The following MUC5AC variants were observed in gnomAD, a reference collection of about 807,000 sequenced individuals.
MUC5AC encodes the protein mucin 5AC, oligomeric mucus/gel-forming, also known as mucin-5AC.
Under a neutral mutation model 169.7 loss-of-function variants are expected in MUC5AC, and 158 were observed. The ratio of observed to expected loss-of-function variants is 0.93; its 90% CI spans 0.82 to 1.06. The LOEUF (loss-of-function observed/expected upper bound fraction) is 1.06. MUC5AC is among the 50% of genes least tolerant of loss of function. The pLI is 0.00. For missense variants in MUC5AC, 4,359 were observed against 3,089.9 expected (o/e 1.41, Z -9.74); for synonymous variants, 1,975 against 1,237.0 (o/e 1.60, Z -12.52).
chr11:1,190,969 C>T lies in MUC5AC; in HGVS notation c.12824C>T (p.Ser4275Phe). 1 of 742,972 alleles carries T rather than the reference C, an allele frequency of 1.3e-6. No individual in the cohort carries two copies. 46.0% of individuals were successfully genotyped at this position (742,972 alleles called of 1,614,324 possible). A position where few individuals can be genotyped will look rare whatever the true frequency, so the allele number is the denominator to read the frequency against. The stretch of plus-strand genomic sequence containing the variant: ...TCTGCTGCTACAACCAGCACAACCT[C>T]TGCTCCTACAACCAGAACAACATCT... ...TTSAATTSTT[S>F]APTTRTTSAP... The change falls in exon 31 of 49, where the codon TCT becomes TTT. Residue 4275 changes from serine to phenylalanine, a missense_variant. Transcript: ENST00000621226.
Position 1,187,415 on chromosome 11 carries a change from C to T in MUC5AC, c.9270C>T (p.Thr3090=), listed in dbSNP as rs1238127275. The T allele has an allele frequency of 5.4e-6, 4 of 735,268 alleles. No homozygotes were observed. The highest frequency in any genetic ancestry group is 1.7e-5 in the African/African-American group (1 of 58,102). 45.5% of individuals were successfully genotyped at this position (735,268 alleles called of 1,614,324 possible). A position where few individuals can be genotyped will look rare whatever the true frequency, so the allele number is the denominator to read the frequency against. The change falls in exon 31 of 49, where the codon ACC becomes ACT. Residue 3090 remains threonine, a synonymous_variant. Coordinates refer to ENST00000621226, the MANE Select transcript of MUC5AC (RefSeq NM_001304359.2). ...CCAGCACAACCTCTGCCGCTACAAC[C>T]AGCACAATCTCGGCCCCAACAACCA... is the stretch of plus-strand genomic sequence containing the variant. The part of the protein sequence containing the change: ...PTTSTTSAAT[T]STISAPTTST...
chr11:1,182,400 C>T lies in MUC5AC; in HGVS notation c.4255C>T (p.Arg1419Trp), dbSNP rs1352819531. ...GGAGAACCTCCGCGCCCATGGGTAC[C>T]GGGTGTGCGAATCACCCAGGTCGGT... ...TLENLRAHGY[R>W]VCESPRSVEC... Residue 1419 changes from arginine to tryptophan, a missense_variant, in exon 31 of 49, where the codon CGG becomes TGG. Coordinates refer to ENST00000621226, the MANE Select transcript of MUC5AC (RefSeq NM_001304359.2). 4 of 398,494 alleles carry T rather than the reference C, an allele frequency of 1.0e-5. No individual in the cohort carries two copies. The highest frequency in any genetic ancestry group is 2.1e-5 in the African/African-American group (1 of 48,634). The allele number at this position is 398,494 out of a possible 1,614,324, so 24.7% of individuals were successfully genotyped here.
At position 1,165,695 on chromosome 11, in the gene MUC5AC, C is replaced by T; in HGVS notation, c.1321C>T (p.His441Tyr). 6.2e-7 allele frequency: 1 copy of T among 1,612,492 alleles called. No homozygotes were observed. The highest frequency in any genetic ancestry group is 8.5e-7 in the Non-Finnish European group (1 of 1,179,758). ...TACCTGCTCTGTGCTTGGAGGTGCCCACTTCTCAACGTTTGACGGGAAGCA... is the reference window on the plus strand; with the variant it reads ...TACCTGCTCTGTGCTTGGAGGTGCCTACTTCTCAACGTTTGACGGGAAGCA... ...PGTCSVLGGA[H>Y]FSTFDGKQYT... Residue 441 changes from histidine (H) to tyrosine (Y), a missense_variant, in exon 11 of 49, where the codon CAC becomes TAC. Coordinates refer to ENST00000621226, the MANE Select transcript of MUC5AC (RefSeq NM_001304359.2).
At chr11:1,199,245 G>T (rs752781834) in intron 45 of MUC5AC, 60 bp downstream of exon 45, 1 of 715,828 alleles carries the variant, frequency 1.4e-6, no homozygotes, top group African/African-American at 1.7e-5. Flanking sequence ...GGCATGTGGG[G>T]ACCTGTCGTT....
chr11:1,187,636 C>A lies in MUC5AC; in HGVS notation c.9491C>A (p.Thr3164Lys), dbSNP rs1860987039. 1.3e-6 allele frequency: 1 copy of A among 764,514 alleles called. No individual in the cohort carries two copies. The highest frequency in any genetic ancestry group is 1.7e-5 in the Admixed American group (1 of 58,846). 47.4% of individuals were successfully genotyped at this position (764,514 alleles called of 1,614,324 possible). A position where few individuals can be genotyped will look rare whatever the true frequency, so the allele number is the denominator to read the frequency against. ...TTPSPVPTTSTIFAPRTSTTS... is the reference protein window; with the variant it reads ...TTPSPVPTTSKIFAPRTSTTS... ...CCCAGCCCTGTTCCCACCACCAGCA[C>A]AATCTTTGCTCCTAGAACCAGCACC... is the stretch of plus-strand genomic sequence containing the variant. Residue 3164 changes from threonine (T) to lysine (K), a missense_variant, in exon 31 of 49, where the codon ACA (threonine) becomes AAA (lysine). Physicochemically the swap from Thr to Lys is moderately conservative, Grantham distance 78. Coordinates refer to ENST00000621226, the MANE Select transcript of MUC5AC (RefSeq NM_001304359.2).
rs760143958 is a variant in MUC5AC at position 1,192,530 on chromosome 11, G to T, written c.14380+5G>T. ...CTGACCGGCTCTACCCTGCAGGTTC[G>T]TGAGTGTTTCTGGTGCAATTGTTTC... On this transcript the variant is annotated splice_donor_5th_base_variant and intron_variant, in intron 31 of 48. Transcript: ENST00000621226. The T allele has an allele frequency of 1.3e-6, 1 of 763,688 alleles. No homozygotes were observed. The highest frequency in any genetic ancestry group is 1.3e-5 in the South Asian group (1 of 74,578). 47.3% of individuals were successfully genotyped at this position (763,688 alleles called of 1,614,324 possible).
At position 1,168,705 on chromosome 11, in the gene MUC5AC, A is replaced by T. The variant is rs763362263; in HGVS notation, c.1631A>T (p.Gln544Leu). 1.2e-6 allele frequency: 2 copies of T among 1,610,624 alleles called. No homozygotes were observed. The highest frequency in any genetic ancestry group is 1.3e-5 in the African/African-American group (1 of 74,896). The change falls in exon 14 of 49, where the codon CAG becomes CTG. Residue 544 changes from glutamine to leucine, a missense_variant. Transcript: ENST00000621226. ...ATCGCCCAGACCAGCCTGGGCCTGC[A>T]GCTGAACCTGCAGCTGGTGCCCACC... ...FIIAQTSLGL[Q>L]LNLQLVPTMQ...
Position 1,179,160 on chromosome 11 carries a change from C to T in MUC5AC, c.3396C>T (p.Cys1132=), listed in dbSNP as rs1387205874. 2.1e-5 allele frequency: 14 copies of T among 679,930 alleles called. No individual in the cohort carries two copies. Among genetic ancestry groups the T allele is most frequent in the African/African-American group, 1.6e-4 (9 of 56,560 alleles). The allele number at this position is 679,930 out of a possible 1,614,324, so 42.1% of individuals were successfully genotyped here. The change falls in exon 26 of 49, where the codon TGC becomes TGT. Residue 1132 remains cysteine, a synonymous_variant. Coordinates refer to ENST00000621226, the MANE Select transcript of MUC5AC (RefSeq NM_001304359.2). ...GCGCCTGCGACTCCGGGGGTGACTG[C>T]GAGTGCTTCTGCACGGCTGTGGCCG... The part of the protein sequence containing the change: ...DACACDSGGD[C]ECFCTAVAAY...
intron 15 of MUC5AC, among the ~76,000 whole-genome samples, chr11:1,172,106 C>T (rs1426231675): frequency 6.6e-6 from 1 of 152,256 alleles, no homozygotes; most frequent in Non-Finnish European, 1.5e-5. Flanking sequence ...AGTGGAGGGG[C>T]CAGAAGGGCC....
At chr11:1,160,347 T>A (rs978508527) in intron 1 of MUC5AC, among the ~76,000 whole-genome samples, 2 of 151,912 alleles carry the variant, frequency 1.3e-5, no homozygotes, top group Admixed American at 1.3e-4. Context: ...GGATGCCAGA[T>A]CGGGGCGAAG....
intron 30 of MUC5AC, among the ~76,000 whole-genome samples, chr11:1,181,701 G>T (rs1860819113): frequency 6.6e-6 from 1 of 152,138 alleles, no homozygotes; most frequent in African/African-American, 2.4e-5. Context: ...TCCAAGTCCT[G>T]CCCTCAGCAG....
Position 1,186,882 on chromosome 11 carries a change from A to G in MUC5AC, c.8737A>G (p.Thr2913Ala). 1.8e-5 allele frequency: 13 copies of G among 726,294 alleles called. No homozygotes were observed. Among genetic ancestry groups the G allele is most frequent in the Middle Eastern group, 2.3e-4 (1 of 4,392 alleles). 45.0% of individuals were successfully genotyped at this position (726,294 alleles called of 1,614,324 possible). ...APTTSTTSAP[T>A]TSTTSAPTSS... ...TACAACCAGCACAACCTCTGCCCCT[A>G]CAACCAGCACAACCTCTGCCCCTAC... Residue 2913 changes from threonine to alanine, a missense_variant, in exon 31 of 49, where the codon ACA becomes GCA. Thr to Ala is a moderately conservative substitution (Grantham distance 58). Transcript: ENST00000621226.
intron 15 of MUC5AC, among the ~76,000 whole-genome samples, chr11:1,171,485 C>CCATT (rs1860533326): frequency 2.6e-5 from 2 of 77,226 alleles, no homozygotes; most frequent in African/African-American, 4.9e-5. Flanking sequence ...ACCCACTCAC[C>CCATT]CACTCACTCA....
Position 1,186,534 on chromosome 11 carries a change from A to G in MUC5AC, c.8389A>G (p.Thr2797Ala), listed in dbSNP as rs1860951169. Residue 2797 changes from threonine to alanine, a missense_variant, in exon 31 of 49, where the codon ACC becomes GCC. Transcript: ENST00000621226. ...AACTTTGTCTCCTACAACCAGCACA[A>G]CCTCTACTACTATAACCAGCACAAC... is the stretch of plus-strand genomic sequence containing the variant. ...STTLSPTTST[T>A]STTITSTTSA... 127 of 698,622 alleles carry G rather than the reference A, an allele frequency of 1.8e-4. 2 individuals carry two copies. In the South Asian group the frequency reaches 1.9e-3, roughly 10 times the overall value. The allele number at this position is 698,622 out of a possible 1,614,324, so 43.3% of individuals were successfully genotyped here. A position where few individuals can be genotyped will look rare whatever the true frequency, so the allele number is the denominator to read the frequency against.
chr11:1,198,785 A>T, intron 43 of MUC5AC, 89 bp from the exon 44 acceptor site: 1 of 659,320 alleles, frequency 1.5e-6, no homozygotes, highest in Non-Finnish European at 2.8e-6. Flanking sequence ...GATGTCTGGG[A>T]AGTTGGGGGC....
chr11:1,166,489 C>G (rs1860338264), intron 11 of MUC5AC, among the ~76,000 whole-genome samples: 1 of 137,322 alleles, frequency 7.3e-6, no homozygotes, highest in South Asian at 2.5e-4. Flanking sequence ...CACAGTCTCT[C>G]CACGATGAGA....
Position 1,192,433 on chromosome 11 carries a change from C to G in MUC5AC, c.14288C>G (p.Thr4763Ser), listed in dbSNP as rs879876139. 4.7e-5 allele frequency: 36 copies of G among 765,034 alleles called. No individual in the cohort carries two copies. The highest frequency in any genetic ancestry group is 1.2e-4 in the Admixed American group (7 of 59,024). 47.4% of individuals were successfully genotyped at this position (765,034 alleles called of 1,614,324 possible). A position where few individuals can be genotyped will look rare whatever the true frequency, so the allele number is the denominator to read the frequency against. ...ATGGTATCCGCCTCCGTGGCATCCA[C>G]CTCTGTGGCATCCAGCTCTGTGGCA... is the stretch of plus-strand genomic sequence containing the variant. ...TSMVSASVAS[T>S]SVASSSVASS... Residue 4763 changes from threonine to serine, a missense_variant, in exon 31 of 49, where the codon ACC becomes AGC. Physicochemically the swap from Thr to Ser is moderately conservative, Grantham distance 58. Coordinates refer to ENST00000621226, the MANE Select transcript of MUC5AC (RefSeq NM_001304359.2).
chr11:1,187,605 A>G lies in MUC5AC; in HGVS notation c.9460A>G (p.Thr3154Ala). 1.3e-6 allele frequency: 1 copy of G among 762,210 alleles called. No homozygotes were observed. The highest frequency in any genetic ancestry group is 2.4e-6 in the Non-Finnish European group (1 of 416,372). The allele number at this position is 762,210 out of a possible 1,614,324, so 47.2% of individuals were successfully genotyped here. The change falls in exon 31 of 49, where the codon ACC becomes GCC. Residue 3154 changes from threonine to alanine, a missense_variant. Coordinates refer to ENST00000621226, the MANE Select transcript of MUC5AC (RefSeq NM_001304359.2). ...AGCCAGCAAAACCTCTGGTCCTGGA[A>G]CCACTCCCAGCCCTGTTCCCACCAC... is the stretch of plus-strand genomic sequence containing the variant. ...STASKTSGPG[T>A]TPSPVPTTST...
chr11:1,174,548 C>T lies in MUC5AC; in HGVS notation c.2018C>T (p.Ala673Val). 4.5e-6 allele frequency: 7 copies of T among 1,563,108 alleles called. No individual in the cohort carries two copies. The highest frequency in any genetic ancestry group is 6.1e-6 in the Non-Finnish European group (7 of 1,156,246). Residue 673 changes from alanine to valine, a missense_variant, in exon 17 of 49, where the codon GCC becomes GTC. By Grantham distance (64) the Ala-to-Val change is moderately conservative (BLOSUM62 0). Coordinates refer to ENST00000621226, the MANE Select transcript of MUC5AC (RefSeq NM_001304359.2). ...GAGCGGAGCGAGGACTGCCTGTGCGCCGCGCTGTCCTCCTACGTGCACGCC... is the reference window on the plus strand; with the variant it reads ...GAGCGGAGCGAGGACTGCCTGTGCGTCGCGCTGTCCTCCTACGTGCACGCC... ...NCERSEDCLC[A>V]ALSSYVHACA...
Sources: allele counts gnomAD v4.1 joint callset (sites outside exome capture counted in the v4.1 genomes callset), GRCh38; gene constraint gnomAD v4.1.1; transcripts MANE v1.5; gene names NCBI Gene and HGNC (gene_info 2026-07-23, HGNC 2026-07-21).